Variants in CFAP54 observed in about 807,000 individuals in gnomAD.
CFAP54 encodes cilia- and flagella-associated protein 54.
Under a neutral mutation model 370.4 loss-of-function variants are expected in CFAP54, and 290 were observed. The ratio of observed to expected loss-of-function variants is 0.78; its 90% CI spans 0.71 to 0.86. CFAP54 has a LOEUF of 0.86. CFAP54 is among the 40% of genes least tolerant of loss of function. The pLI is 0.00. For missense variants in CFAP54, 3,399 were observed against 3,528.7 expected, an observed-to-expected ratio of 0.96 and a Z score of 0.93; for synonymous variants, 1,206 against 1,236.5, an observed-to-expected ratio of 0.98 and a Z score of 0.52.
intron 63 of CFAP54, among the ~76,000 whole-genome samples, chr12:96,806,159 A>AATATATATATATAT (rs548500750): frequency 1.1e-4 from 3 of 27,902 alleles, no homozygotes; most frequent in Non-Finnish European, 1.4e-4. Context: ...TCACTAGCCA[A>AATATATATATATAT]ATATATATAT....
At chr12:96,701,224 G>T (rs1276559569) in intron 46 of CFAP54, among the ~76,000 whole-genome samples, 1 of 152,028 alleles carries the variant, frequency 6.6e-6, no homozygotes, top group African/African-American at 2.4e-5. Flanking sequence ...CATAGAGAGG[G>T]GAAAGAGAGA....
intron 26 of CFAP54, among the ~76,000 whole-genome samples, chr12:96,606,307 G>T (rs907797761): frequency 2.0e-5 from 3 of 152,170 alleles, no homozygotes; most frequent in Non-Finnish European, 4.4e-5. Context: ...AGTTGAGTGG[G>T]CAGGTTTCAG....
Position 96,795,134 on chromosome 12 carries a change from G to C in CFAP54, c.8850+2635G>C, listed in dbSNP as rs138328262. 2.1e-3 allele frequency among the ~76,000 whole-genome samples: 318 copies of C among 152,304 alleles called. 6 individuals are homozygous for C. The highest frequency in any genetic ancestry group is 7.3e-3 in the African/African-American group (302 of 41,568). ...GCCATGGATACCAGCACCTGCTCTG[G>C]TGGAGGTAGTAGGGGAGTGAAGTGG... On this transcript the variant is annotated intron_variant, in intron 63 of 67. Transcript: ENST00000524981.
intron 8 of CFAP54, among the ~76,000 whole-genome samples, chr12:96,526,538 A>G (rs1955383494): frequency 1.3e-5 from 2 of 152,196 alleles, no homozygotes; most frequent in Non-Finnish European, 2.9e-5. Context: ...CAGACACACA[A>G]AATCTCTGGA....
At chr12:96,833,535 T>A (rs1959177286) in intron 66 of CFAP54, among the ~76,000 whole-genome samples, 1 of 151,254 alleles carries the variant, frequency 6.6e-6, no homozygotes, top group Admixed American at 6.7e-5. Flanking sequence ...TGTGTGTGTG[T>A]GTGTGTGTGA....
At chr12:96,825,207 T>TTA (rs202135170) in intron 65 of CFAP54, among the ~76,000 whole-genome samples, 45 of 137,542 alleles carry the variant, frequency 3.3e-4, no homozygotes, top group East Asian at 6.1e-4. Context: ...TATATACATA[T>TTA]TATATATATA....
intron 26 of CFAP54, among the ~76,000 whole-genome samples, chr12:96,600,240 A>G (rs925195853): frequency 2.6e-5 from 4 of 152,194 alleles, no homozygotes; most frequent in African/African-American, 9.7e-5. Flanking sequence ...TCCCAGCACC[A>G]TTTATTAAAT....
intron 66 of CFAP54, among the ~76,000 whole-genome samples, chr12:96,858,157 C>G (rs890242450): frequency 1.3e-5 from 2 of 152,114 alleles, no homozygotes; most frequent in African/African-American, 4.8e-5. Flanking sequence ...TCTCTGCAAC[C>G]TTACTAGCAT....
intron 4 of CFAP54, among the ~76,000 whole-genome samples, chr12:96,512,342 T>G: frequency 1.1e-5 from 1 of 94,182 alleles, no homozygotes; most frequent in East Asian, 3.1e-4. Flanking sequence ...TATATATATA[T>G]ATATATATGT....
chr12:96,657,047 G>C (rs1956929866), intron 36 of CFAP54, among the ~76,000 whole-genome samples: 1 of 152,212 alleles, frequency 6.6e-6, no homozygotes, highest in Admixed American at 6.5e-5. Flanking sequence ...GCTCTTGTTA[G>C]AGGGGATGTT....
chr12:96,746,073 G>A (rs1958111242), intron 55 of CFAP54, among the ~76,000 whole-genome samples: 1 of 152,072 alleles, frequency 6.6e-6, no homozygotes, highest in Admixed American at 6.6e-5. Flanking sequence ...TATCAATGCT[G>A]CTGAGCCTTT....
At chr12:96,539,236 T>G (rs1955544681) in intron 13 of CFAP54, among the ~76,000 whole-genome samples, 1 of 151,806 alleles carries the variant, frequency 6.6e-6, no homozygotes, top group African/African-American at 2.4e-5. Flanking sequence ...AATTTTTGTA[T>G]TTTTAGTAGA....
intron 19 of CFAP54, chr12:96,572,907 A>G: frequency 1.0e-6 from 1 of 985,378 alleles, no homozygotes; most frequent in South Asian, 4.7e-5. Context: ...CCTCAGTTGG[A>G]TTCATTGATG....
At chr12:96,802,773 C>T (rs1383476324) in intron 63 of CFAP54, among the ~76,000 whole-genome samples, 1 of 152,130 alleles carries the variant, frequency 6.6e-6, no homozygotes, top group Non-Finnish European at 1.5e-5. Flanking sequence ...AACCTGTCAT[C>T]TAGGTTTTAA....
At chr12:96,809,672 G>A (rs536903474) in intron 63 of CFAP54, among the ~76,000 whole-genome samples, 8 of 152,230 alleles carry the variant, frequency 5.3e-5, no homozygotes, top group African/African-American at 1.9e-4. Flanking sequence ...ACTCTTGACT[G>A]TCTACTTATG....
chr12:96,748,412 G>C (rs557475407), intron 55 of CFAP54, among the ~76,000 whole-genome samples: 1 of 151,942 alleles, frequency 6.6e-6, no homozygotes, highest in Admixed American at 6.6e-5. Context: ...CACTGAGAAA[G>C]TGCTGCTGTT....
At chr12:96,852,931 A>G (rs1247287533) in intron 66 of CFAP54, among the ~76,000 whole-genome samples, 1 of 152,172 alleles carries the variant, frequency 6.6e-6, no homozygotes, top group Non-Finnish European at 1.5e-5. Context: ...CATGCAAAAC[A>G]TACCGGAACA....
intron 13 of CFAP54, among the ~76,000 whole-genome samples, chr12:96,538,990 G>T (rs1955539387): frequency 1.3e-5 from 2 of 151,152 alleles, no homozygotes. Flanking sequence ...CCAGGTTCAA[G>T]CAATCTGCTC....
chr12:96,576,802 A>G (rs1275249780), intron 20 of CFAP54, 41 bp downstream of exon 20: 3 of 1,447,606 alleles, frequency 2.1e-6, no homozygotes, highest in South Asian at 1.3e-5. Context: ...GCAAAGCAAC[A>G]TAAGTACTTT....
Sources: gnomAD v4.1 joint callset for allele counts (sites outside exome capture counted in the v4.1 genomes callset) on GRCh38, gnomAD v4.1.1 for gene constraint, MANE v1.5 for transcripts, NCBI Gene and HGNC (gene_info 2026-07-23, HGNC 2026-07-21) for gene names.